KCNH1: variants seen among roughly 807,000 people sequenced by gnomAD.
The protein encoded by KCNH1 is potassium voltage-gated channel subfamily H member 1.
In KCNH1, 27 loss-of-function variants were observed where a neutral mutation model predicts 69.2. The observed-to-expected ratio is 0.39, with a 90% CI of 0.29 to 0.54. The LOEUF (loss-of-function observed/expected upper bound fraction) is 0.54. Ranked by LOEUF, KCNH1 falls within the 20% of genes least tolerant of loss-of-function variation. KCNH1 has a pLI of 0.68. For missense variants in KCNH1, 798 were observed against 1,261.6 expected (o/e 0.63, Z 5.57); for synonymous variants, 456 against 487.7 (o/e 0.93, Z 0.86).
chr1:210,685,714 C>G (rs537167263), intron 10 of KCNH1, among the ~76,000 whole-genome samples: 1 of 131,352 alleles, frequency 7.6e-6, no homozygotes, highest in Admixed American at 7.6e-5. Flanking sequence ...TGACCTTTCA[C>G]AGCCCCCAGA....
intron 6 of KCNH1, among the ~76,000 whole-genome samples, chr1:210,920,572 C>CATT (rs1558526326): frequency 6.6e-6 from 1 of 151,956 alleles, no homozygotes; most frequent in African/African-American, 2.4e-5. Flanking sequence ...GTTATTGCTG[C>CATT]ATTAGCAAGT....
intron 7 of KCNH1, among the ~76,000 whole-genome samples, chr1:210,898,114 T>A (rs924468695): frequency 6.6e-6 from 1 of 152,220 alleles, no homozygotes; most frequent in African/African-American, 2.4e-5. Context: ...TCAAAATATG[T>A]CTACCATTAA....
chr1:210,850,493 A>G (rs576560407), intron 7 of KCNH1, among the ~76,000 whole-genome samples: 280 of 150,872 alleles, frequency 1.9e-3, no homozygotes, highest in African/African-American at 6.4e-3. Flanking sequence ...CCTGGATGAC[A>G]GAGTGAGACT....
At chr1:210,917,223 GAGAGAGAGAAAGAAAGAAAGAA>G (rs1234597291) in intron 7 of KCNH1, among the ~76,000 whole-genome samples, 5 of 83,246 alleles carry the variant, frequency 6.0e-5, no homozygotes, top group East Asian at 3.0e-4. Context: ...GAGAGAGAGA[GAGAGAGAGAAAGAAAGAAAGAA>G]AGAAAGAAAG....
At chr1:210,696,078 G>A (rs1159724146) in intron 10 of KCNH1, among the ~76,000 whole-genome samples, 1 of 152,202 alleles carries the variant, frequency 6.6e-6, no homozygotes, top group African/African-American at 2.4e-5. Flanking sequence ...TCTCAGCTGT[G>A]TACCTGGGCA....
At chr1:210,689,294 A>G (rs1262054127) in intron 10 of KCNH1, among the ~76,000 whole-genome samples, 1 of 152,204 alleles carries the variant, frequency 6.6e-6, no homozygotes, top group Non-Finnish European at 1.5e-5. Context: ...TCTGGGTTAC[A>G]TTAAAAGAAG....
At chr1:210,952,801 C>T (rs528623080) in intron 6 of KCNH1, among the ~76,000 whole-genome samples, 56 of 152,250 alleles carry the variant, frequency 3.7e-4, no homozygotes, top group African/African-American at 1.3e-3. Context: ...TTGTAAACTT[C>T]ACAACCCTTG....
At chr1:210,733,739 G>A (rs1007775539) in intron 10 of KCNH1, among the ~76,000 whole-genome samples, 3 of 152,142 alleles carry the variant, frequency 2.0e-5, no homozygotes, top group African/African-American at 7.2e-5. Context: ...AGTCTGGGCA[G>A]GGCTGTGAAA....
At chr1:211,051,656 G>A (rs1344554856) in intron 5 of KCNH1, among the ~76,000 whole-genome samples, 1 of 152,206 alleles carries the variant, frequency 6.6e-6, no homozygotes, top group Non-Finnish European at 1.5e-5. Flanking sequence ...GTTGAGGCTA[G>A]AGAGGTGAGT....
intron 10 of KCNH1, among the ~76,000 whole-genome samples, chr1:210,745,595 T>C (rs531542092): frequency 2.8e-4 from 42 of 152,308 alleles, no homozygotes; most frequent in Non-Finnish European, 5.3e-4. Flanking sequence ...GGCATCTCCA[T>C]ACTGTTCTGG....
At chr1:210,840,467 G>A (rs562762787) in intron 7 of KCNH1, among the ~76,000 whole-genome samples, 1 of 152,310 alleles carries the variant, frequency 6.6e-6, no homozygotes, top group South Asian at 2.1e-4. Context: ...ACAGTTATTT[G>A]CATACATGCC....
At chr1:210,831,023 G>A (rs918059770) in intron 7 of KCNH1, among the ~76,000 whole-genome samples, 2 of 152,180 alleles carry the variant, frequency 1.3e-5, no homozygotes, top group African/African-American at 4.8e-5. Flanking sequence ...ATTAAAAACT[G>A]CTACAGAGCT....
In KCNH1 at chr1:210,849,365, C is replaced by CTTTT. The variant is rs150451228; in HGVS notation, c.1463-45203_1463-45200dup. On this transcript the variant is annotated intron_variant, in intron 7 of 10. Coordinates refer to ENST00000271751, the MANE Select transcript of KCNH1 (RefSeq NM_172362.3). ...TGCGTGTGTGTGCTTTTCTTTCTTT[C>CTTTT]TTTTTTTTTTTTTTTTTGAGACGGA... Among the ~76,000 whole-genome samples the CTTTT allele has an allele frequency of 3.7e-3, 473 of 127,998 alleles. 5 individuals are homozygous for CTTTT. Among genetic ancestry groups the CTTTT allele is most frequent in the Non-Finnish European group, 4.8e-3 (292 of 61,190 alleles). 84.0% of individuals were successfully genotyped at this position (127,998 alleles called of 152,430 possible).
intron 10 of KCNH1, among the ~76,000 whole-genome samples, chr1:210,723,505 AC>A (rs1682521779): frequency 2.0e-5 from 3 of 152,196 alleles, no homozygotes; most frequent in Non-Finnish European, 4.4e-5. Flanking sequence ...AAGAAGAAAC[AC>A]TTTCCAAATG....
chr1:210,720,584 A>G (rs115007964), intron 10 of KCNH1, among the ~76,000 whole-genome samples: 3,442 of 152,292 alleles, frequency 0.023, 140 homozygotes, highest in African/African-American at 0.078. Context: ...AATTATATAT[A>G]ATGGGTTAAC....
At chr1:211,040,361 G>T (rs928987643) in intron 5 of KCNH1, among the ~76,000 whole-genome samples, 24 of 152,260 alleles carry the variant, frequency 1.6e-4, no homozygotes, top group African/African-American at 5.5e-4. Context: ...GTGGGAGGGG[G>T]TGCTAATTGA....
At chr1:211,092,530 A>G (rs1373055013) in intron 3 of KCNH1, among the ~76,000 whole-genome samples, 1 of 152,226 alleles carries the variant, frequency 6.6e-6, no homozygotes, top group Non-Finnish European at 1.5e-5. Flanking sequence ...TGTGTTCTGC[A>G]AATACCAACA....
At chr1:210,959,903 A>G (rs1408201063) in intron 6 of KCNH1, among the ~76,000 whole-genome samples, 2 of 152,150 alleles carry the variant, frequency 1.3e-5, no homozygotes, top group Non-Finnish European at 2.9e-5. Context: ...CTCGCCCTCC[A>G]TGGGCTATAC....
intron 8 of KCNH1, among the ~76,000 whole-genome samples, chr1:210,798,899 A>G (rs1684376673): frequency 6.6e-6 from 1 of 152,226 alleles, no homozygotes; most frequent in Non-Finnish European, 1.5e-5. Flanking sequence ...AGGCATTGCT[A>G]AACACTTTAG....
Sources: gnomAD v4.1 joint callset for allele counts (sites outside exome capture counted in the v4.1 genomes callset) on GRCh38, gnomAD v4.1.1 for gene constraint, MANE v1.5 for transcripts, NCBI Gene and HGNC (gene_info 2026-07-23, HGNC 2026-07-21) for gene names.